Variants in LNPEP observed in about 807,000 individuals in gnomAD.
LNPEP encodes leucyl-cystinyl aminopeptidase.
In LNPEP, 64 loss-of-function variants were observed where a neutral mutation model predicts 120.6. That is an observed-to-expected ratio of 0.53 (90% CI 0.43 to 0.65). The LOEUF (loss-of-function observed/expected upper bound fraction) is 0.65. Ranked by LOEUF, LNPEP falls within the 30% of genes least tolerant of loss-of-function variation. The pLI is 0.00. For missense variants in LNPEP, 1,057 were observed against 1,200.0 expected (o/e 0.88, Z 1.76); for synonymous variants, 435 against 425.4 (o/e 1.02, Z -0.28).
intron 8 of LNPEP, among the ~76,000 whole-genome samples, chr5:96,999,430 CAAGAAG>C (rs1472802708): frequency 6.6e-6 from 1 of 151,986 alleles, no homozygotes. Context: ...ACCTGACTGA[CAAGAAG>C]AATTATTGTA....
rs374339256 is a variant in LNPEP, at chr5:97,027,799, G to A, written c.2931G>A (p.Lys977=). ...VAGSTYLFST[K]THLSEVQAFF... The stretch of plus-strand genomic sequence containing the variant: ...GATCAACTTACCTGTTTTCAACAAA[G>A]ACACATTTATCTGAGGTTGGTTTTA... Residue 977 remains lysine (K), a synonymous_variant, in exon 17 of 18, where the codon AAG becomes AAA. Transcript: ENST00000231368. 1.2e-6 allele frequency: 2 copies of A among 1,603,976 alleles called. No homozygotes were observed. Among genetic ancestry groups the A allele is most frequent in the Middle Eastern group, 1.7e-4 (1 of 6,036 alleles).
intron 2 of LNPEP, among the ~76,000 whole-genome samples, chr5:96,981,666 T>C (rs190932130): frequency 6.6e-6 from 1 of 152,286 alleles, no homozygotes; most frequent in Non-Finnish European, 1.5e-5. Flanking sequence ...TATTTCTTGT[T>C]GATTGGAAAA....
chr5:96,993,985 A>C lies in LNPEP; in HGVS notation c.1407+14A>C, dbSNP rs1251006434. 4.3e-6 allele frequency: 7 copies of C among 1,612,588 alleles called. No homozygotes were observed. Among genetic ancestry groups the C allele is most frequent in the Non-Finnish European group, 5.9e-6 (7 of 1,178,830 alleles). On this transcript the variant is annotated intron_variant, in intron 6 of 17. Transcript: ENST00000231368. ...CTGGCCCACCAGGTATTAGCAACCA[A>C]GGCTGTTCTGTGTCACACCTGTGGT...
At chr5:96,936,526 C>T in intron 1 of LNPEP, 1 of 210,104 alleles carries the variant, frequency 4.8e-6, no homozygotes, top group Non-Finnish European at 9.4e-6. Flanking sequence ...GCCCGACTCT[C>T]CTGTAGGAGC....
intron 7 of LNPEP, 28 bp from the exon 8 acceptor site, chr5:96,997,986 A>G: frequency 6.8e-7 from 1 of 1,468,234 alleles, no homozygotes; most frequent in Non-Finnish European, 9.3e-7. Context: ...ACTACTTGTG[A>G]TATTCTAATC....
chr5:96,959,222 C>T (rs1276144484), intron 1 of LNPEP, among the ~76,000 whole-genome samples: 1 of 152,014 alleles, frequency 6.6e-6, no homozygotes, highest in Non-Finnish European at 1.5e-5. Flanking sequence ...AGTCTGTTGA[C>T]CATACCAGTT....
intron 11 of LNPEP, chr5:97,011,361 T>C (rs1790922948): frequency 5.6e-6 from 1 of 179,080 alleles, no homozygotes; most frequent in South Asian, 1.9e-4. Flanking sequence ...GCCTCCTGAG[T>C]AGCTGGGACT....
At chr5:96,992,959 T>C in intron 4 of LNPEP, 56 bp from the exon 5 acceptor site, 3 of 1,345,676 alleles carry the variant, frequency 2.2e-6, no homozygotes, top group South Asian at 1.4e-5. Context: ...GCTACTTGAG[T>C]ATCATGCCAT....
chr5:96,992,263 G>A (rs1790407426), intron 4 of LNPEP, among the ~76,000 whole-genome samples: 1 of 152,132 alleles, frequency 6.6e-6, no homozygotes, highest in Non-Finnish European at 1.5e-5. Context: ...TGGGAGACAT[G>A]AACCTGTTGT....
intron 1 of LNPEP, among the ~76,000 whole-genome samples, chr5:96,973,368 G>A (rs1398561336): frequency 6.6e-6 from 1 of 151,830 alleles, no homozygotes; most frequent in Non-Finnish European, 1.5e-5. Flanking sequence ...TGATAGAAGA[G>A]TATTCTCATT....
intron 6 of LNPEP, among the ~76,000 whole-genome samples, chr5:96,994,946 A>G (rs1027555827): frequency 6.6e-6 from 1 of 152,180 alleles, no homozygotes; most frequent in Non-Finnish European, 1.5e-5. Context: ...CGTCTCTACT[A>G]AAAATACAAA....
chr5:96,947,940 T>A (rs1217731323), intron 1 of LNPEP, among the ~76,000 whole-genome samples: 1 of 152,146 alleles, frequency 6.6e-6, no homozygotes, highest in Non-Finnish European at 1.5e-5. Context: ...TTTTGAATTT[T>A]TTCCTTTTCA....
Position 97,034,230 on chromosome 5 carries a change from G to A in LNPEP, c.*5697G>A, listed in dbSNP as rs1315987107. 1 of 151,910 alleles carries A rather than the reference G, an allele frequency of 6.6e-6. No individual in the cohort carries two copies. Among genetic ancestry groups the A allele is most frequent in the Non-Finnish European group, 1.5e-5 (1 of 67,968 alleles). 9.4% of individuals were successfully genotyped at this position (151,910 alleles called of 1,614,324 possible). A position where few individuals can be genotyped will look rare whatever the true frequency, so the allele number is the denominator to read the frequency against. Reference sequence around the variant, plus strand: ...TGCACTTTTAGAAATGTATATAAATGTTCTTGCTCCTTTTTCCTGTTACTT... The same window carrying A: ...TGCACTTTTAGAAATGTATATAAATATTCTTGCTCCTTTTTCCTGTTACTT... On this transcript the variant is annotated 3_prime_UTR_variant, in exon 18 of 18. Coordinates refer to ENST00000231368, the MANE Select transcript of LNPEP (RefSeq NM_005575.3).
intron 1 of LNPEP, among the ~76,000 whole-genome samples, chr5:96,973,490 T>C (rs145889051): frequency 1.3e-5 from 2 of 152,276 alleles, no homozygotes; most frequent in African/African-American, 2.4e-5. Context: ...AAATATGTCA[T>C]AGGGGACTCA....
chr5:96,977,488 A>T (rs1471712851), intron 1 of LNPEP, among the ~76,000 whole-genome samples: 1 of 152,092 alleles, frequency 6.6e-6, no homozygotes, highest in Non-Finnish European at 1.5e-5. Flanking sequence ...ACCATGGAAG[A>T]TGCTTATACC....
chr5:97,026,855 T>C, intron 16 of LNPEP, 98 bp downstream of exon 16: 1 of 1,000,490 alleles, frequency 1.0e-6, no homozygotes, highest in Non-Finnish European at 1.5e-6. Flanking sequence ...GGATTTGCTG[T>C]GAGAGGAAAA....
chr5:97,034,655 G>T lies in LNPEP; in HGVS notation c.*6122G>T, dbSNP rs2112685456. On this transcript the variant is annotated 3_prime_UTR_variant, in exon 18 of 18. Coordinates refer to ENST00000231368, the MANE Select transcript of LNPEP (RefSeq NM_005575.3). ...TGAGCACTACAGGGCTTGGGTTTTGGTTTTTTGCTTTTGAGGGTTTTAATG... is the reference window on the plus strand; with the variant it reads ...TGAGCACTACAGGGCTTGGGTTTTGTTTTTTTGCTTTTGAGGGTTTTAATG... 1 of 152,136 alleles carries T rather than the reference G, an allele frequency of 6.6e-6. No individual in the cohort carries two copies. Among genetic ancestry groups the T allele is most frequent in the East Asian group, 1.9e-4 (1 of 5,182 alleles). 9.4% of individuals were successfully genotyped at this position (152,136 alleles called of 1,614,324 possible).
Position 97,028,583 on chromosome 5 carries a change from T to C in LNPEP, c.*50T>C. 1.9e-6 allele frequency: 3 copies of C among 1,597,784 alleles called. No homozygotes were observed. Among genetic ancestry groups the C allele is most frequent in the Non-Finnish European group, 2.6e-6 (3 of 1,171,514 alleles). ...TTGCCCATTCAGAGAGCTTGTAAGC[T>C]TGGGCTCTGCCGCTTTTGCAAAAGC... On this transcript the variant is annotated 3_prime_UTR_variant, in exon 18 of 18. Transcript: ENST00000231368.
chr5:97,020,675 G>A lies in LNPEP; in HGVS notation c.2377-1625G>A, dbSNP rs376465497. Among the ~76,000 whole-genome samples the A allele has an allele frequency of 1.8e-4, 28 of 152,164 alleles. No individual in the cohort carries two copies. In the East Asian group the frequency reaches 3.9e-3, roughly 21 times the overall value. ...AAATTAGCCGGATGTGGTGGCGGGC[G>A]CTTGTAGTCCCAGCTACTCGGGAGG... On this transcript the variant is annotated intron_variant, in intron 13 of 17. Transcript: ENST00000231368.
Sources: gnomAD v4.1 joint callset for allele counts (sites outside exome capture counted in the v4.1 genomes callset) on GRCh38, gnomAD v4.1.1 for gene constraint, MANE v1.5 for transcripts, NCBI Gene and HGNC (gene_info 2026-07-23, HGNC 2026-07-21) for gene names.